NFYC: variants seen among roughly 807,000 people sequenced by gnomAD.
NFYC encodes nuclear transcription factor Y subunit gamma.
A neutral mutation model predicts 53.1 loss-of-function variants in NFYC; 25 were observed. The ratio of observed to expected loss-of-function variants is 0.47; its 90% CI spans 0.34 to 0.66. The LOEUF (loss-of-function observed/expected upper bound fraction) is 0.66. NFYC is among the 30% of genes least tolerant of loss of function. The pLI, the probability that NFYC is intolerant of heterozygous loss-of-function variation, is 0.01. For missense variants in NFYC, 260 were observed against 422.7 expected (o/e 0.62, Z 3.38); for synonymous variants, 145 against 152.6 (o/e 0.95, Z 0.37).
chr1:40,770,208 C>T lies in NFYC; in HGVS notation c.889-501C>T, dbSNP rs771742320. ...TAGTTAAGTGTTTAATACCAGGCCA[C>T]CTCCTTAGCAGGGTCCATGGAGAAA... is the stretch of plus-strand genomic sequence containing the variant. On this transcript the variant is annotated intron_variant, in intron 9 of 9. Coordinates refer to ENST00000447388, the MANE Select transcript of NFYC (RefSeq NM_014223.5). The surrounding 1 kb of genome is among the most constrained non-coding windows in gnomAD (Gnocchi z 5.3). 6.3e-6 allele frequency: 4 copies of T among 633,008 alleles called. No individual in the cohort carries two copies. The highest frequency in any genetic ancestry group is 1.8e-5 in the African/African-American group (1 of 54,514). The allele number at this position is 633,008 out of a possible 1,614,324, so 39.2% of individuals were successfully genotyped here. A position where few individuals can be genotyped will look rare whatever the true frequency, so the allele number is the denominator to read the frequency against.
At position 40,753,263 on chromosome 1, in the gene NFYC, T is replaced by C. The variant is rs1276325478; in HGVS notation, c.387+17T>C. On this transcript the variant is annotated intron_variant, in intron 5 of 9. Coordinates refer to ENST00000447388, the MANE Select transcript of NFYC (RefSeq NM_014223.5). ...AAGCGTCAGGTGAGCTGTGAAGGGA[T>C]TGCAGTTGCTGCTGACTGAAGAGCG... The C allele has an allele frequency of 1.3e-6, 2 of 1,581,848 alleles. No individual in the cohort carries two copies. The highest frequency in any genetic ancestry group is 4.5e-5 in the East Asian group (2 of 44,746).
At chr1:40,747,819 T>C (rs925626749) in intron 3 of NFYC, among the ~76,000 whole-genome samples, 2 of 151,630 alleles carry the variant, frequency 1.3e-5, no homozygotes, top group Non-Finnish European at 2.9e-5. Flanking sequence ...TTTTTAGATG[T>C]TGAAAAAATA....
chr1:40,762,116 G>C (rs1166509706), intron 6 of NFYC, among the ~76,000 whole-genome samples: 1 of 152,246 alleles, frequency 6.6e-6, no homozygotes, highest in African/African-American at 2.4e-5. Context: ...GTGAGAGACA[G>C]AATCTGCCAA....
intron 1 of NFYC, among the ~76,000 whole-genome samples, chr1:40,734,409 C>CTGGA (rs969708539): frequency 6.6e-6 from 1 of 151,912 alleles, no homozygotes; most frequent in African/African-American, 2.4e-5. Flanking sequence ...GTCACCCAGG[C>CTGGA]TGGAGTGCAG....
intron 1 of NFYC, among the ~76,000 whole-genome samples, chr1:40,698,799 A>G (rs570678446): frequency 1.3e-5 from 2 of 152,316 alleles, no homozygotes; most frequent in African/African-American, 4.8e-5. Context: ...TAATTGTCCT[A>G]TTCTTAAATA....
chr1:40,770,640 G>C lies in NFYC; in HGVS notation c.889-69G>C. On this transcript the variant is annotated intron_variant, in intron 9 of 9. Transcript: ENST00000447388. The surrounding 1 kb of genome is among the most constrained non-coding windows in gnomAD (Gnocchi z 5.3). Reference sequence around the variant, plus strand: ...GGTATCTGGGACCCCCAACCAGCTCGAGACCCATAGGGAGCTGCATGCCCC... The same window carrying C: ...GGTATCTGGGACCCCCAACCAGCTCCAGACCCATAGGGAGCTGCATGCCCC... 1 of 1,614,004 alleles carries C rather than the reference G, an allele frequency of 6.2e-7. No homozygotes were observed. Among genetic ancestry groups the C allele is most frequent in the Non-Finnish European group, 8.5e-7 (1 of 1,179,994 alleles).
intron 1 of NFYC, among the ~76,000 whole-genome samples, chr1:40,726,263 C>T (rs907760303): frequency 7.3e-5 from 11 of 151,646 alleles, no homozygotes; most frequent in African/African-American, 1.2e-4. Flanking sequence ...GATTGCAGGC[C>T]CGCACCACCA....
intron 6 of NFYC, 82 bp from the exon 7 acceptor site, chr1:40,762,806 C>T (rs1344728411): frequency 2.2e-6 from 3 of 1,344,090 alleles, no homozygotes; most frequent in South Asian, 3.7e-5. Flanking sequence ...GCTCCCAGCA[C>T]ATTGCTCGTT....
intron 8 of NFYC, 148 bp from the exon 9 acceptor site, chr1:40,769,208 G>T: frequency 2.7e-6 from 2 of 733,724 alleles, no homozygotes; most frequent in East Asian, 2.5e-5. Context: ...ATTAGGAGGG[G>T]TGCTTGCTTG....
chr1:40,741,577 G>A (rs564669983), intron 2 of NFYC, among the ~76,000 whole-genome samples: 6 of 151,644 alleles, frequency 4.0e-5, no homozygotes, highest in Admixed American at 3.9e-4. Context: ...GTGACAGGAT[G>A]TCTTTCCTTT....
At chr1:40,746,919 A>G (rs1394306630) in intron 2 of NFYC, among the ~76,000 whole-genome samples, 2 of 152,130 alleles carry the variant, frequency 1.3e-5, no homozygotes, top group Non-Finnish European at 2.9e-5. Flanking sequence ...TCCTTTTTCT[A>G]TACTCCTCTA....
intron 1 of NFYC, among the ~76,000 whole-genome samples, chr1:40,708,900 G>C (rs1461203289): frequency 6.6e-6 from 1 of 152,174 alleles, no homozygotes; most frequent in African/African-American, 2.4e-5. Flanking sequence ...ATAGGATACC[G>C]TAGCAGTATC....
At chr1:40,701,259 G>T (rs1394917546) in intron 1 of NFYC, among the ~76,000 whole-genome samples, 1 of 152,046 alleles carries the variant, frequency 6.6e-6, no homozygotes, top group Non-Finnish European at 1.5e-5. Context: ...GGGATTACAG[G>T]TGCCTGCCAC....
chr1:40,709,365 C>T (rs1643865529), intron 1 of NFYC: 2 of 152,120 alleles, frequency 1.3e-5, no homozygotes, highest in Admixed American at 1.3e-4. Flanking sequence ...TGCAGGGCTT[C>T]ATTGGAGCCT....
chr1:40,731,692 G>C (rs1051609180), intron 1 of NFYC, among the ~76,000 whole-genome samples: 3 of 151,498 alleles, frequency 2.0e-5, no homozygotes, highest in Admixed American at 2.0e-4. Context: ...CACCATGTTG[G>C]CCAGGATGGT....
chr1:40,753,612 C>T (rs550447714), intron 5 of NFYC, among the ~76,000 whole-genome samples: 2 of 152,318 alleles, frequency 1.3e-5, no homozygotes, highest in African/African-American at 4.8e-5. Flanking sequence ...TCTATGTGCA[C>T]AGTGGCATTT....
At chr1:40,750,736 A>C (rs1295189521) in intron 4 of NFYC, among the ~76,000 whole-genome samples, 1 of 152,236 alleles carries the variant, frequency 6.6e-6, no homozygotes, top group African/African-American at 2.4e-5. Context: ...AAAATAAAAT[A>C]GGCAAAACAC....
intron 1 of NFYC, among the ~76,000 whole-genome samples, chr1:40,709,075 A>G (rs1380997429): frequency 6.6e-6 from 1 of 152,226 alleles, no homozygotes; most frequent in African/African-American, 2.4e-5. Flanking sequence ...TTAGAAGCAC[A>G]TGATGCCCTA....
chr1:40,734,856 C>CT (rs1337331130), intron 1 of NFYC: 3 of 152,110 alleles, frequency 2.0e-5, no homozygotes, highest in Non-Finnish European at 2.9e-5. Context: ...ACCTTTTTCT[C>CT]TTTTTTCCTG....
Sources: gnomAD v4.1 joint callset for allele counts (sites outside exome capture counted in the v4.1 genomes callset) on GRCh38, gnomAD v4.1.1 for gene constraint, Gnocchi (gnomAD v3.1) non-coding constraint, MANE v1.5 for transcripts, NCBI Gene and HGNC (gene_info 2026-07-23, HGNC 2026-07-21) for gene names.